GRM7: variants seen among roughly 807,000 people sequenced by gnomAD.
GRM7 encodes metabotropic glutamate receptor 7.
GRM7 carries 35 observed loss-of-function variants against 84.5 expected under a neutral mutation model. The ratio of observed to expected loss-of-function variants is 0.41; its 90% CI spans 0.32 to 0.55. The LOEUF (loss-of-function observed/expected upper bound fraction) is 0.55, where lower values mean the gene tolerates loss of function less well. Ranked by LOEUF, GRM7 falls within the 20% of genes least tolerant of loss-of-function variation. The pLI is 0.19. For missense variants in GRM7, 1,003 were observed against 1,194.6 expected, an observed-to-expected ratio of 0.84 and a Z score of 2.36; for synonymous variants, 487 against 455.1, an observed-to-expected ratio of 1.07 and a Z score of -0.89.
In GRM7 at chr3:6,861,119, C is replaced by T. The variant is rs1429725154; in HGVS notation, c.-270C>T. 1.0e-5 allele frequency: 4 copies of T among 387,046 alleles called. No homozygotes were observed. Among genetic ancestry groups the T allele is most frequent in the Non-Finnish European group, 1.8e-5 (4 of 219,954 alleles). 24.0% of individuals were successfully genotyped at this position (387,046 alleles called of 1,614,324 possible). ...AGCAGTCCCTGCCCTCTCCCCAGTG[C>T]TGGGCTGTTGGAGAGAGCGAGCAGC... On this transcript the variant is annotated 5_prime_UTR_variant, in exon 1 of 10. Transcript: ENST00000357716. The surrounding 1 kb of genome is among the most constrained non-coding windows in gnomAD (Gnocchi z 6.4).
chr3:7,043,541 C>A (rs1167702437), intron 1 of GRM7, among the ~76,000 whole-genome samples: 7 of 152,118 alleles, frequency 4.6e-5, no homozygotes, highest in Non-Finnish European at 7.4e-5. Flanking sequence ...GATATTTTTC[C>A]AGCTTTTAAT....
intron 1 of GRM7, among the ~76,000 whole-genome samples, chr3:7,130,596 T>G (rs1428603446): frequency 6.7e-6 from 1 of 150,342 alleles, no homozygotes; most frequent in Non-Finnish European, 1.5e-5. Flanking sequence ...TGGAGAGGAT[T>G]AGTAGCTCTA....
chr3:7,653,779 G>A (rs922400301), intron 8 of GRM7, among the ~76,000 whole-genome samples: 1 of 152,214 alleles, frequency 6.6e-6, no homozygotes, highest in Admixed American at 6.5e-5. Flanking sequence ...CCTGAGAGCA[G>A]GGCTTTCACA....
intron 7 of GRM7, among the ~76,000 whole-genome samples, chr3:7,504,105 A>G (rs1480697049): frequency 6.6e-6 from 1 of 152,212 alleles, no homozygotes. Context: ...AAAAAAGTTG[A>G]GACTCAATAA....
At chr3:7,636,164 G>A in intron 8 of GRM7, 1 of 454,710 alleles carries the variant, frequency 2.2e-6, no homozygotes, top group East Asian at 7.0e-5. Flanking sequence ...TGCCTAAACT[G>A]TGTCCACTAG....
chr3:7,238,812 C>A (rs764672129), intron 2 of GRM7, among the ~76,000 whole-genome samples: 4 of 147,228 alleles, frequency 2.7e-5, no homozygotes, highest in South Asian at 2.2e-4. Flanking sequence ...CTCTCCTCTC[C>A]TTTTCCCTCC....
chr3:6,993,941 G>C (rs1694737687), intron 1 of GRM7, among the ~76,000 whole-genome samples: 1 of 152,162 alleles, frequency 6.6e-6, no homozygotes. Flanking sequence ...TGGAGCACAG[G>C]CTGAAGTTGT....
intron 7 of GRM7, among the ~76,000 whole-genome samples, chr3:7,504,955 G>C (rs773255750): frequency 7.9e-5 from 12 of 152,134 alleles, no homozygotes; most frequent in Non-Finnish European, 1.6e-4. Flanking sequence ...GTGACTCAAG[G>C]TATGATTCAT....
At chr3:7,196,017 TCTAC>T (rs1306224256) in intron 2 of GRM7, among the ~76,000 whole-genome samples, 29 of 152,130 alleles carry the variant, frequency 1.9e-4, no homozygotes, top group African/African-American at 7.0e-4. Flanking sequence ...TAGTTAACTA[TCTAC>T]CTACCTATGT....
At chr3:7,166,529 G>A (rs1260832519) in intron 2 of GRM7, among the ~76,000 whole-genome samples, 1 of 152,098 alleles carries the variant, frequency 6.6e-6, no homozygotes, top group Middle Eastern at 3.2e-3. Context: ...ACCCCAACTG[G>A]GAGATTATTT....
chr3:6,892,062 G>A (rs1290619597), intron 1 of GRM7, among the ~76,000 whole-genome samples: 7 of 151,956 alleles, frequency 4.6e-5, no homozygotes, highest in South Asian at 2.1e-4. Context: ...CGTAGTTCTC[G>A]AGCCTTGGCT....
intron 8 of GRM7, among the ~76,000 whole-genome samples, chr3:7,677,285 A>C (rs574294912): frequency 8.2e-5 from 12 of 146,106 alleles, no homozygotes; most frequent in Admixed American, 6.6e-5. Flanking sequence ...AAAAAAAAAA[A>C]AAAAAAAAAC....
chr3:7,679,002 G>A (rs1700250196), intron 8 of GRM7, among the ~76,000 whole-genome samples: 1 of 152,164 alleles, frequency 6.6e-6, no homozygotes, highest in South Asian at 2.1e-4. Flanking sequence ...GGAACTTAAG[G>A]CCTAGCAGGA....
chr3:7,230,634 TG>T (rs1697162929), intron 2 of GRM7, among the ~76,000 whole-genome samples: 1 of 152,054 alleles, frequency 6.6e-6, no homozygotes, highest in Non-Finnish European at 1.5e-5. Flanking sequence ...GATTAGAAGG[TG>T]GGTATGGGTC....
At chr3:6,871,559 G>T (rs1695120976) in intron 1 of GRM7, among the ~76,000 whole-genome samples, 1 of 151,412 alleles carries the variant, frequency 6.6e-6, no homozygotes, top group Non-Finnish European at 1.5e-5. Flanking sequence ...TATCTCGTAG[G>T]TTGTCATCTC....
Position 7,698,803 on chromosome 3 carries a change from G to A in GRM7, c.2698+18508G>A, listed in dbSNP as rs147284220. Among the ~76,000 whole-genome samples, 188 of 152,236 alleles carry A rather than the reference G, an allele frequency of 1.2e-3. 1 individual carries two copies. Among genetic ancestry groups the A allele is most frequent in the African/African-American group, 4.2e-3 (176 of 41,552 alleles). Reference sequence around the variant, plus strand: ...CAATTACTCTCAGTTAAGTACCCCCGGGCTACTACATGATGGGTAAGCCTG... The same window carrying A: ...CAATTACTCTCAGTTAAGTACCCCCAGGCTACTACATGATGGGTAAGCCTG... On this transcript the variant is annotated intron_variant, in intron 9 of 9. Transcript: ENST00000357716.
chr3:7,729,205 G>T (rs1702228613), intron 9 of GRM7, among the ~76,000 whole-genome samples: 1 of 152,102 alleles, frequency 6.6e-6, no homozygotes, highest in African/African-American at 2.4e-5. Flanking sequence ...TCATTCACAG[G>T]AATATACAGT....
At chr3:7,334,390 T>C (rs115280003) in intron 4 of GRM7, among the ~76,000 whole-genome samples, 4,527 of 151,772 alleles carry the variant, frequency 0.03, 112 homozygotes, top group Non-Finnish European at 0.046. Flanking sequence ...CCCTACAAGA[T>C]CTACTAAAAA....
intron 1 of GRM7, among the ~76,000 whole-genome samples, chr3:7,101,628 A>G (rs1439064172): frequency 1.3e-5 from 2 of 151,020 alleles, no homozygotes; most frequent in African/African-American, 2.4e-5. Context: ...TAAAAATTCT[A>G]CTTTCCTCCT....
Sources: allele counts gnomAD v4.1 joint callset (sites outside exome capture counted in the v4.1 genomes callset), GRCh38; gene constraint gnomAD v4.1.1; non-coding constraint Gnocchi (gnomAD v3.1); transcripts MANE v1.5; gene names NCBI Gene and HGNC (gene_info 2026-07-23, HGNC 2026-07-21).